Variants in KLHL22 observed in about 807,000 individuals in gnomAD.
The protein encoded by KLHL22 is kelch-like protein 22.
In KLHL22, 18 loss-of-function variants were observed where a neutral mutation model predicts 60.7. The ratio of observed to expected loss-of-function variants is 0.30; its 90% CI spans 0.20 to 0.44. KLHL22 has a LOEUF of 0.44. Ranked by LOEUF, KLHL22 falls within the 20% of genes least tolerant of loss-of-function variation. The probability of loss-of-function intolerance (pLI) is 1.00; values close to 1 mark genes in which losing one functional copy is unlikely to be tolerated. For missense variants in KLHL22, 596 were observed against 852.3 expected (o/e 0.70, Z 3.74); for synonymous variants, 355 against 354.5 (o/e 1.00, Z -0.01).
chr22:20,493,505 G>T (rs1303875470), intron 1 of KLHL22, among the ~76,000 whole-genome samples: 1 of 152,250 alleles, frequency 6.6e-6, no homozygotes, highest in Non-Finnish European at 1.5e-5. Context: ...AAAGTGGCCG[G>T]GCGCAGTGGC....
chr22:20,466,331 G>A (rs552985802), intron 3 of KLHL22, among the ~76,000 whole-genome samples: 3 of 142,410 alleles, frequency 2.1e-5, no homozygotes, highest in Admixed American at 7.5e-5. Flanking sequence ...CCGAGATCGC[G>A]CCATTGCACT....
At chr22:20,490,239 C>G (rs1226443123) in intron 1 of KLHL22, among the ~76,000 whole-genome samples, 1 of 152,202 alleles carries the variant, frequency 6.6e-6, no homozygotes, top group Non-Finnish European at 1.5e-5. Flanking sequence ...CCAATTACCT[C>G]CAGTCATGCA....
At chr22:20,491,777 G>C (rs1368009046) in intron 1 of KLHL22, 1 of 152,178 alleles carries the variant, frequency 6.6e-6, no homozygotes, top group African/African-American at 2.4e-5. Context: ...TCACTACTGA[G>C]GCTCAGGGCC....
intron 5 of KLHL22, among the ~76,000 whole-genome samples, chr22:20,452,033 A>G (rs1008646715): frequency 2.0e-5 from 3 of 152,042 alleles, no homozygotes; most frequent in African/African-American, 7.3e-5. Context: ...TACTCCAGGG[A>G]AAAGAATGCA....
Position 20,465,058 on chromosome 22 carries a change from C to T in KLHL22, c.912G>A (p.Gly304=). Residue 304 remains glycine, a synonymous_variant, in exon 4 of 7, where the codon GGG becomes GGA. Transcript: ENST00000328879. This position sits in a 1 kb window ranked among gnomAD's most constrained non-coding sequence, Gnocchi z 4.9. ...CAGTGGACGGCGTGGAGTGAATGCCCCCGAAGCCCACAACGCACTGGAAGT... is the reference window on the plus strand; with the variant it reads ...CAGTGGACGGCGTGGAGTGAATGCCTCCGAAGCCCACAACGCACTGGAAGT... ...RSDFQCVVGF[G]GIHSTPSTVL... 1 of 1,611,948 alleles carries T rather than the reference C, an allele frequency of 6.2e-7. No individual in the cohort carries two copies. Among genetic ancestry groups the T allele is most frequent in the Non-Finnish European group, 8.5e-7 (1 of 1,178,676 alleles).
intron 5 of KLHL22, among the ~76,000 whole-genome samples, chr22:20,447,544 C>CTTTTTTTTTTTTTT (rs11463939): frequency 7.4e-6 from 1 of 135,470 alleles, no homozygotes; most frequent in Non-Finnish European, 1.6e-5. Flanking sequence ...GGAGGTTTTT[C>CTTTTTTTTTTTTTT]TTTTTTTTTT....
chr22:20,480,284 T>A (rs1438869940), intron 2 of KLHL22, among the ~76,000 whole-genome samples: 2 of 152,204 alleles, frequency 1.3e-5, no homozygotes, highest in African/African-American at 4.8e-5. Flanking sequence ...TTCGTAATAA[T>A]GTGAATAATC....
chr22:20,482,554 T>C (rs1430683057), intron 2 of KLHL22, among the ~76,000 whole-genome samples: 1 of 151,918 alleles, frequency 6.6e-6, no homozygotes, highest in Non-Finnish European at 1.5e-5. Flanking sequence ...GGCTAATTTA[T>C]GTTTTGTTTT....
intron 5 of KLHL22, chr22:20,451,631 G>C: frequency 3.1e-6 from 5 of 1,605,678 alleles, no homozygotes; most frequent in Non-Finnish European, 4.3e-6. Context: ...ACTGCCACCA[G>C]TATGACCACT....
chr22:20,486,997 G>A (rs1043303716), intron 2 of KLHL22, among the ~76,000 whole-genome samples: 17 of 151,862 alleles, frequency 1.1e-4, no homozygotes, highest in Non-Finnish European at 2.4e-4. Context: ...TAGGCTCACT[G>A]CAACCTCCGC....
intron 1 of KLHL22, among the ~76,000 whole-genome samples, chr22:20,493,477 G>C (rs900172248): frequency 2.6e-5 from 4 of 152,184 alleles, no homozygotes; most frequent in African/African-American, 9.7e-5. Context: ...AGAACATTAG[G>C]CAACAGTCAA....
chr22:20,485,617 G>A (rs1011661148), intron 2 of KLHL22, among the ~76,000 whole-genome samples: 7 of 152,166 alleles, frequency 4.6e-5, no homozygotes, highest in Admixed American at 2.6e-4. Context: ...TCTGTAATCC[G>A]AACACTTTGG....
At chr22:20,447,773 C>T (rs1445719792) in intron 5 of KLHL22, among the ~76,000 whole-genome samples, 2 of 152,190 alleles carry the variant, frequency 1.3e-5, no homozygotes, top group East Asian at 3.9e-4. Flanking sequence ...GATCTCCTGA[C>T]CTCGTGACCC....
At chr22:20,457,235 A>G (rs189555750) in intron 5 of KLHL22, among the ~76,000 whole-genome samples, 98 of 152,192 alleles carry the variant, frequency 6.4e-4, no homozygotes, top group African/African-American at 2.3e-3. Flanking sequence ...ACATCTTCAA[A>G]TTGGAATAAA....
intron 1 of KLHL22, chr22:20,492,105 A>G (rs1027086820): frequency 6.6e-6 from 1 of 152,152 alleles, no homozygotes; most frequent in African/African-American, 2.4e-5. Flanking sequence ...CCAGTGGTTC[A>G]CATTCCCAGT....
chr22:20,448,054 T>C (rs1346655411), intron 5 of KLHL22, among the ~76,000 whole-genome samples: 3 of 152,126 alleles, frequency 2.0e-5, no homozygotes, highest in Non-Finnish European at 4.4e-5. Flanking sequence ...TAGGGTGACA[T>C]CCACTCACCT....
At chr22:20,470,703 G>C (rs1005699639) in intron 3 of KLHL22, among the ~76,000 whole-genome samples, 1 of 150,198 alleles carries the variant, frequency 6.7e-6, no homozygotes, top group African/African-American at 2.5e-5. Context: ...TGGATGGATG[G>C]ATGGATGGAT....
chr22:20,475,532 T>C (rs2053397367), intron 2 of KLHL22, among the ~76,000 whole-genome samples: 1 of 152,116 alleles, frequency 6.6e-6, no homozygotes, highest in Non-Finnish European at 1.5e-5. Flanking sequence ...TTTTTCTAGA[T>C]GGCAACTCTG....
chr22:20,459,305 T>C (rs1404753861), intron 4 of KLHL22, among the ~76,000 whole-genome samples: 2 of 152,188 alleles, frequency 1.3e-5, no homozygotes, highest in African/African-American at 4.8e-5. Context: ...CTTTGCTTCC[T>C]GCAGCCCCTG....
Sources: allele counts gnomAD v4.1 joint callset (sites outside exome capture counted in the v4.1 genomes callset), GRCh38; gene constraint gnomAD v4.1.1; non-coding constraint Gnocchi (gnomAD v3.1); transcripts MANE v1.5; gene names NCBI Gene and HGNC (gene_info 2026-07-23, HGNC 2026-07-21).